Variants in DES observed in about 807,000 individuals in gnomAD.
The protein encoded by DES is desmin, also known as cardiomyopathy, dilated 1F (autosomal dominant).
A neutral mutation model predicts 55.1 loss-of-function variants in DES; 34 were observed. The ratio of observed to expected loss-of-function variants is 0.62; its 90% confidence interval spans 0.47 to 0.82. The LOEUF is 0.82. DES is among the 40% of genes least tolerant of loss of function. The pLI is 0.00. For synonymous variants in DES, 259 were observed against 270.8 expected (o/e 0.96, Z 0.43); for missense variants, 596 against 645.9 (o/e 0.92, Z 0.84).
intron 6 of DES, 90 bp from the exon 7 acceptor site, chr2:219,423,687 C>A: frequency 1.5e-6 from 2 of 1,295,064 alleles, no homozygotes; most frequent in Non-Finnish European, 2.2e-6. Context: ...GATCCGCCCG[C>A]CTCGGCCTTT....
At chr2:219,425,187 G>C (rs73991546) in intron 7 of DES, 2 of 169,008 alleles carry the variant, frequency 1.2e-5, no homozygotes, top group African/African-American at 4.8e-5. Flanking sequence ...GTGAGCCACC[G>C]CACCTGGCCC....
rs755376246 is a variant in DES at position 219,420,968 on chromosome 2, A to G, written c.1023+15A>G. The G allele has an allele frequency of 8.1e-6, 13 of 1,611,348 alleles. No homozygotes were observed. The highest frequency in any genetic ancestry group is 1.1e-5 in the Non-Finnish European group (13 of 1,179,088). On this transcript the variant is annotated intron_variant, in intron 5 of 8. Transcript: ENST00000373960. This position sits in a 1 kb window ranked among gnomAD's most constrained non-coding sequence, Gnocchi z 6.0. Reference sequence around the variant, plus strand: ...TGAAGGGCACTGTGAGTCCCTGCCCACCTGGCCAGGCCCTGCCCCTTCCTG... The same window carrying G: ...TGAAGGGCACTGTGAGTCCCTGCCCGCCTGGCCAGGCCCTGCCCCTTCCTG...
chr2:219,422,347 C>T (rs914605932), intron 6 of DES, among the ~76,000 whole-genome samples: 5 of 151,792 alleles, frequency 3.3e-5, no homozygotes, highest in Middle Eastern at 3.2e-3. Context: ...TGCACATGTT[C>T]GGAGGAAAAG....
At chr2:219,422,155 C>T (rs902146731) in intron 6 of DES, among the ~76,000 whole-genome samples, 6 of 152,146 alleles carry the variant, frequency 3.9e-5, no homozygotes, top group African/African-American at 1.4e-4. Context: ...TAAAATATTA[C>T]TGCCAGTCAA....
At chr2:219,425,790 A>G in intron 8 of DES, 45 bp downstream of exon 8, 1 of 1,605,244 alleles carries the variant, frequency 6.2e-7, no homozygotes, top group Non-Finnish European at 8.5e-7. Flanking sequence ...GGGGCTATGG[A>G]TGTGTCTGGG....
chr2:219,418,837 G>C lies in DES; in HGVS notation c.375G>C (p.Lys125Asn). 1 of 1,583,340 alleles carries C rather than the reference G, an allele frequency of 6.3e-7. No homozygotes were observed. The highest frequency in any genetic ancestry group is 8.6e-7 in the Non-Finnish European group (1 of 1,164,538). The part of the protein sequence containing the change: ...LNDRFANYIE[K>N]VRFLEQQNAA... ...ACCGCTTCGCCAACTACATCGAGAA[G>C]GTGCGCTTCCTGGAGCAGCAGAACG... The change falls in exon 1 of 9, where the codon AAG becomes AAC. Residue 125 changes from lysine (K) to asparagine (N), a missense_variant. Lys to Asn is a moderately conservative substitution (Grantham distance 94, BLOSUM62 0). Transcript: ENST00000373960.
Position 219,423,826 on chromosome 2 carries a change from T to C in DES, c.1288+6T>C, listed in dbSNP as rs371337888. The stretch of plus-strand genomic sequence containing the variant: ...CTCTGCCCTCAACTTCCGAGGTGAG[T>C]GTCTGCTGGCAGGCGGAGGCTGGAG... On this transcript the variant is annotated splice_donor_region_variant and intron_variant, in intron 7 of 8. Transcript: ENST00000373960. 1.2e-6 allele frequency: 2 copies of C among 1,613,524 alleles called. No individual in the cohort carries two copies. The highest frequency in any genetic ancestry group is 1.3e-5 in the African/African-American group (1 of 74,842).
In DES at chr2:219,420,483, C is replaced by G; in HGVS notation, c.736-12C>G. On this transcript the variant is annotated splice_polypyrimidine_tract_variant and intron_variant, in intron 3 of 8. Transcript: ENST00000373960. This position sits in a 1 kb window ranked among gnomAD's most constrained non-coding sequence, Gnocchi z 6.0. Reference sequence around the variant, plus strand: ...CCCTGAGAGGGGACTGAAGCCCAGTCATGCCCTACAGGAGATCCGTGAGTT... The same window carrying G: ...CCCTGAGAGGGGACTGAAGCCCAGTGATGCCCTACAGGAGATCCGTGAGTT... The G allele has an allele frequency of 6.2e-7, 1 of 1,613,926 alleles. No individual in the cohort carries two copies. Among genetic ancestry groups the G allele is most frequent in the Non-Finnish European group, 8.5e-7 (1 of 1,179,970 alleles).
In DES at chr2:219,425,656, G is replaced by A; in HGVS notation, c.1289-7G>A. 6.4e-7 allele frequency: 1 copy of A among 1,567,204 alleles called. No individual in the cohort carries two copies. The highest frequency in any genetic ancestry group is 8.7e-7 in the Non-Finnish European group (1 of 1,155,436). On this transcript the variant is annotated splice_polypyrimidine_tract_variant and splice_region_variant and intron_variant, in intron 7 of 8. Coordinates refer to ENST00000373960, the MANE Select transcript of DES (RefSeq NM_001927.4). Reference sequence around the variant, plus strand: ...TCAGGCTGAGTGTGCGATGGACCCTGTTACAGAAACCAGCCCTGAGCAAAG... The same window carrying A: ...TCAGGCTGAGTGTGCGATGGACCCTATTACAGAAACCAGCCCTGAGCAAAG...
Position 219,418,576 on chromosome 2 carries a change from G to C in DES, c.114G>C (p.Ala38=). The C allele has an allele frequency of 6.2e-7, 1 of 1,603,724 alleles. No individual in the cohort carries two copies. The highest frequency in any genetic ancestry group is 8.5e-7 in the Non-Finnish European group (1 of 1,175,742). ...SPLSSPVFPR[A]GFGSKGSSSS... is the part of the protein sequence containing the mutation. ...TGAGTTCGCCCGTGTTCCCGCGGGCGGGTTTCGGCTCTAAGGGCTCCTCCA... is the reference window on the plus strand; with the variant it reads ...TGAGTTCGCCCGTGTTCCCGCGGGCCGGTTTCGGCTCTAAGGGCTCCTCCA... Residue 38 remains alanine, a synonymous_variant, in exon 1 of 9, where the codon GCG becomes GCC. Transcript: ENST00000373960.
At position 219,426,215 on chromosome 2, in the gene DES, G is replaced by C; in HGVS notation, c.*225G>C. The C allele has an allele frequency of 1.5e-6, 1 of 648,586 alleles. No homozygotes were observed. Among genetic ancestry groups the C allele is most frequent in the Admixed American group, 2.2e-5 (1 of 45,960 alleles). The allele number at this position is 648,586 out of a possible 1,614,324, so 40.2% of individuals were successfully genotyped here. ...CCACCTCTGCGGACCCCAGCTGTGA[G>C]CCTTGGCTGTTGGCAGTGAGTGAGC... On this transcript the variant is annotated 3_prime_UTR_variant, in exon 9 of 9. Coordinates refer to ENST00000373960, the MANE Select transcript of DES (RefSeq NM_001927.4). This position sits in a 1 kb window ranked among gnomAD's most constrained non-coding sequence, Gnocchi z 4.5.
At position 219,420,092 on chromosome 2, in the gene DES, C is replaced by T; in HGVS notation, c.579-3C>T. ...TGTCTGTCTTTCTGTCTGTCCCACC[C>T]AGGCTGCAGGAGGAGATTCAGTTGA... On this transcript the variant is annotated splice_polypyrimidine_tract_variant and splice_region_variant and intron_variant, in intron 1 of 8. Transcript: ENST00000373960. This position sits in a 1 kb window ranked among gnomAD's most constrained non-coding sequence, Gnocchi z 6.0. 6.2e-7 allele frequency: 1 copy of T among 1,614,120 alleles called. No individual in the cohort carries two copies.
intron 7 of DES, among the ~76,000 whole-genome samples, chr2:219,424,084 C>T (rs1199860365): frequency 1.3e-5 from 2 of 152,204 alleles, no homozygotes; most frequent in Non-Finnish European, 2.9e-5. Context: ...GAGTATTGGG[C>T]CTCAGGAAGC....
chr2:219,420,276 G>T lies in DES; in HGVS notation c.665G>T (p.Arg222Leu). Residue 222 changes from arginine (R) to leucine (L), a missense_variant, in exon 3 of 9, where the codon CGC becomes CTC. By Grantham distance (102) the Arg-to-Leu change is moderately radical (BLOSUM62 -2). Coordinates refer to ENST00000373960, the MANE Select transcript of DES (RefSeq NM_001927.4). This position sits in a 1 kb window ranked among gnomAD's most constrained non-coding sequence, Gnocchi z 6.0. ...GACGTGGATGCAGCTACTCTAGCTC[G>T]CATTGACCTGGAGCGCAGAATTGAA... The part of the protein sequence containing the change: ...RADVDAATLA[R>L]IDLERRIESL... The T allele has an allele frequency of 1.9e-6, 3 of 1,614,200 alleles. No individual in the cohort carries two copies. The highest frequency in any genetic ancestry group is 2.2e-5 in the East Asian group (1 of 44,882).
chr2:219,420,029 G>C lies in DES; in HGVS notation c.579-66G>C. On this transcript the variant is annotated intron_variant, in intron 1 of 8. Coordinates refer to ENST00000373960, the MANE Select transcript of DES (RefSeq NM_001927.4). This position sits in a 1 kb window ranked among gnomAD's most constrained non-coding sequence, Gnocchi z 6.0. ...TGGACCCACCCCCTGGTCAGCCCCC[G>C]GCCAGTCGTTTCCACTGCCAGCTTT... 15 of 1,566,764 alleles carry C rather than the reference G, an allele frequency of 9.6e-6. No individual in the cohort carries two copies. The highest frequency in any genetic ancestry group is 2.7e-5 in the African/African-American group (2 of 73,882).
Position 219,421,432 on chromosome 2 carries a change from G to A in DES, c.1116G>A (p.Glu372=), listed in dbSNP as rs752030448. The change falls in exon 6 of 9, where the codon GAG becomes GAA. Residue 372 remains glutamate, a synonymous_variant. Transcript: ENST00000373960. ...AGGACAACATTGCGCGCCTGGAGGA[G>A]GAAATCCGGCACCTCAAGGATGAGA... ...GYQDNIARLE[E]EIRHLKDEMA... 25 of 1,613,992 alleles carry A rather than the reference G, an allele frequency of 1.5e-5. 1 individual carries two copies. The South Asian group carries it at 2.7e-4, about 18-fold the overall frequency.
chr2:219,418,394 C>A lies in DES; in HGVS notation c.-69C>A, dbSNP rs903883050. The A allele has an allele frequency of 2.2e-5, 32 of 1,473,816 alleles. No individual in the cohort carries two copies. Among genetic ancestry groups the A allele is most frequent in the Non-Finnish European group, 2.8e-5 (31 of 1,108,728 alleles). The allele number at this position is 1,473,816 out of a possible 1,614,324, so 91.3% of individuals were successfully genotyped here. A position where few individuals can be genotyped will look rare whatever the true frequency, so the allele number is the denominator to read the frequency against. On this transcript the variant is annotated 5_prime_UTR_variant, in exon 1 of 9. Transcript: ENST00000373960. ...GGGGCCCTGTCTCCCCTCGCCGCAT[C>A]CACTCTCCGGCCGGCCGCCTGCCCG...
chr2:219,419,639 G>A lies in DES; in HGVS notation c.579-456G>A, dbSNP rs1250704659. Among the ~76,000 whole-genome samples, 1 of 152,180 alleles carries A rather than the reference G, an allele frequency of 6.6e-6. No homozygotes were observed. The highest frequency in any genetic ancestry group is 2.4e-5 in the African/African-American group (1 of 41,438). On this transcript the variant is annotated intron_variant, in intron 1 of 8. Transcript: ENST00000373960. The surrounding 1 kb of genome is among the most constrained non-coding windows in gnomAD (Gnocchi z 4.3). Reference sequence around the variant, plus strand: ...GTCACAGCTCTCAGAGAGCTTGGGAGGACCTGACTGTAGACTTCACCAGGC... The same window carrying A: ...GTCACAGCTCTCAGAGAGCTTGGGAAGACCTGACTGTAGACTTCACCAGGC...
chr2:219,420,676 G>C lies in DES; in HGVS notation c.897+20G>C, dbSNP rs776035165. 6.2e-7 allele frequency: 1 copy of C among 1,614,004 alleles called. No homozygotes were observed. Among genetic ancestry groups the C allele is most frequent in the South Asian group, 1.1e-5 (1 of 91,052 alleles). ...TCGAAGGTGGGTGGCCTCGCCCGGG[G>C]ACTGGCATCTCCGTCCCCCTGAATC... On this transcript the variant is annotated intron_variant, in intron 4 of 8. Transcript: ENST00000373960. The surrounding 1 kb of genome is among the most constrained non-coding windows in gnomAD (Gnocchi z 6.0).
Sources: gnomAD v4.1 joint callset for allele counts (sites outside exome capture counted in the v4.1 genomes callset) on GRCh38, gnomAD v4.1.1 for gene constraint, Gnocchi (gnomAD v3.1) non-coding constraint, MANE v1.5 for transcripts, NCBI Gene and HGNC (gene_info 2026-07-23, HGNC 2026-07-21) for gene names.